CIB2: variants seen among roughly 807,000 people sequenced by gnomAD.
The protein encoded by CIB2 is calcium and integrin binding family member 2, also known as calcium and integrin-binding family member 2.
In CIB2, 19 loss-of-function variants were observed where a neutral mutation model predicts 23.1. The ratio of observed to expected loss-of-function variants is 0.82; its 90% CI spans 0.57 to 1.21. CIB2 has a LOEUF of 1.21. Among genes scored for constraint, CIB2 ranks in the 50% most tolerant of loss-of-function variants. CIB2 has a pLI of 0.00. For synonymous variants in CIB2, 94 were observed against 91.7 expected (o/e 1.03, Z -0.14); for missense variants, 220 against 241.5 (o/e 0.91, Z 0.59).
At chr15:78,116,327 C>G (rs981132613) in intron 2 of CIB2, among the ~76,000 whole-genome samples, 3 of 151,780 alleles carry the variant, frequency 2.0e-5, no homozygotes, top group Non-Finnish European at 4.4e-5. Context: ...ATTAGTCAGG[C>G]ATGGTGGTAT....
intron 2 of CIB2, among the ~76,000 whole-genome samples, chr15:78,122,315 C>T (rs1289543065): frequency 2.0e-5 from 3 of 152,144 alleles, no homozygotes; most frequent in Non-Finnish European, 4.4e-5. Flanking sequence ...GTGCAAAGGC[C>T]GAGGCAAGGG....
At position 78,131,109 on chromosome 15, in the gene CIB2, G is replaced by T; in HGVS notation, c.51+56C>A. ...AGGCCTCGGCCAGCGACCGAGAAAA[G>T]GGAGGGGCGGCGGGGCGGCGGGGCC... is the stretch of plus-strand genomic sequence containing the variant. On this transcript the variant is annotated intron_variant, in intron 1 of 5. Coordinates refer to ENST00000258930, the MANE Select transcript of CIB2 (RefSeq NM_006383.4). The surrounding 1 kb of genome is among the most constrained non-coding windows in gnomAD (Gnocchi z 5.8). 1 of 1,489,734 alleles carries T rather than the reference G, an allele frequency of 6.7e-7. No homozygotes were observed. The highest frequency in any genetic ancestry group is 9.1e-7 in the Non-Finnish European group (1 of 1,103,704). The allele number at this position is 1,489,734 out of a possible 1,614,324, so 92.3% of individuals were successfully genotyped here.
At chr15:78,127,048 A>G (rs2074390635) in intron 1 of CIB2, among the ~76,000 whole-genome samples, 1 of 152,174 alleles carries the variant, frequency 6.6e-6, no homozygotes, top group Non-Finnish European at 1.5e-5. Flanking sequence ...TGTAAAGTGG[A>G]AATAGGCCTC....
chr15:78,119,551 G>A (rs2074289424), intron 2 of CIB2, among the ~76,000 whole-genome samples: 1 of 151,992 alleles, frequency 6.6e-6, no homozygotes, highest in South Asian at 2.1e-4. Context: ...CTAAGGAAAA[G>A]CAATTTTAAG....
intron 1 of CIB2, among the ~76,000 whole-genome samples, chr15:78,127,588 T>G (rs1483439895): frequency 2.0e-5 from 3 of 151,860 alleles, no homozygotes; most frequent in African/African-American, 7.2e-5. Flanking sequence ...TTTCTCCAGG[T>G]TGTCCAAACC....
chr15:78,121,684 C>T (rs1236662537), intron 2 of CIB2, among the ~76,000 whole-genome samples: 2 of 152,172 alleles, frequency 1.3e-5, no homozygotes, highest in African/African-American at 2.4e-5. Context: ...GATGTGTTTG[C>T]CTCCCCTTCT....
At chr15:78,126,544 C>T (rs1045983271) in intron 1 of CIB2, among the ~76,000 whole-genome samples, 1 of 152,192 alleles carries the variant, frequency 6.6e-6, no homozygotes, top group Non-Finnish European at 1.5e-5. Context: ...CTGCCTATGA[C>T]TACAAACAGA....
intron 5 of CIB2, 134 bp from the exon 6 acceptor site, chr15:78,105,466 C>T (rs2074052407): frequency 1.3e-6 from 2 of 1,543,168 alleles, no homozygotes; most frequent in African/African-American, 2.7e-5. Flanking sequence ...ATAGTGGATG[C>T]AGGTAATCAA....
chr15:78,109,015 G>A (rs2074112356), intron 4 of CIB2, among the ~76,000 whole-genome samples: 1 of 152,184 alleles, frequency 6.6e-6, no homozygotes, highest in Non-Finnish European at 1.5e-5. Flanking sequence ...ACCTGGGATG[G>A]GTGAGTCCCT....
At chr15:78,128,609 C>T (rs1450201615) in intron 1 of CIB2, among the ~76,000 whole-genome samples, 2 of 150,780 alleles carry the variant, frequency 1.3e-5, no homozygotes, top group Admixed American at 1.3e-4. Flanking sequence ...ACCTGGGAGG[C>T]GGAGCTGGGA....
rs1939401392 is a variant in CIB2 at position 78,105,081 on chromosome 15, G to A, written c.*230C>T. ...GGGCGGGGTGCGGAGGGCCTGGAGA[G>A]AGGCCATGGGTCCCGGGGCTGGACC... On this transcript the variant is annotated 3_prime_UTR_variant, in exon 6 of 6. Coordinates refer to ENST00000258930, the MANE Select transcript of CIB2 (RefSeq NM_006383.4). 3.5e-6 allele frequency: 2 copies of A among 570,978 alleles called. No individual in the cohort carries two copies. Among genetic ancestry groups the A allele is most frequent in the South Asian group, 4.1e-5 (2 of 48,494 alleles). 35.4% of individuals were successfully genotyped at this position (570,978 alleles called of 1,614,324 possible).
intron 2 of CIB2, among the ~76,000 whole-genome samples, chr15:78,123,255 C>A (rs1036407457): frequency 6.6e-6 from 1 of 152,086 alleles, no homozygotes; most frequent in African/African-American, 2.4e-5. Flanking sequence ...CCTTAGGGAC[C>A]CCTGGTCTAA....
rs750321171 is a variant in CIB2, at chr15:78,105,716, C to T, written c.542+23G>A. 5 of 1,613,582 alleles carry T rather than the reference C, an allele frequency of 3.1e-6. No individual in the cohort carries two copies. The Admixed American group carries it at 8.3e-5, about 27-fold the overall frequency. On this transcript the variant is annotated intron_variant, in intron 5 of 5. Transcript: ENST00000258930. ...CCTGCCCTGCTCTGCCCTGCCCAAG[C>T]CCGGCCCCTGTAGTGGCAGCACCTG...
Position 78,105,113 on chromosome 15 carries a change from G to C in CIB2, c.*198C>G, listed in dbSNP as rs1187349007. On this transcript the variant is annotated 3_prime_UTR_variant, in exon 6 of 6. Coordinates refer to ENST00000258930, the MANE Select transcript of CIB2 (RefSeq NM_006383.4). ...TGGGTCCCGGGGCTGGACCACAGCG[G>C]GGCTGTGGGAAGGGTCCTAACCTTC... 1 of 689,560 alleles carries C rather than the reference G, an allele frequency of 1.5e-6. No homozygotes were observed. The highest frequency in any genetic ancestry group is 2.4e-6 in the Non-Finnish European group (1 of 421,882). 42.7% of individuals were successfully genotyped at this position (689,560 alleles called of 1,614,324 possible).
chr15:78,123,261 TCTAACAGACAGGGA>T (rs1192871559), intron 2 of CIB2, among the ~76,000 whole-genome samples: 1 of 152,030 alleles, frequency 6.6e-6, no homozygotes, highest in Non-Finnish European at 1.5e-5. Flanking sequence ...GGACCCCTGG[TCTAACAGACAGGGA>T]CTCCCTGCTA....
chr15:78,105,502 G>A lies in CIB2; in HGVS notation c.543-170C>T, dbSNP rs568087127. On this transcript the variant is annotated intron_variant, in intron 5 of 5. Coordinates refer to ENST00000258930, the MANE Select transcript of CIB2 (RefSeq NM_006383.4). ...CACTGGGGGAAGACGGAGGAACAGC[G>A]GTGCCCAGGGAGTTCTGCCCCCACT... 2.1e-4 allele frequency: 316 copies of A among 1,498,364 alleles called. 2 individuals are homozygous for A. In the African/African-American group the frequency reaches 3.0e-3, roughly 14 times the overall value. The allele number at this position is 1,498,364 out of a possible 1,614,324, so 92.8% of individuals were successfully genotyped here.
At chr15:78,106,804 C>G (rs2074077693) in intron 4 of CIB2, among the ~76,000 whole-genome samples, 1 of 152,086 alleles carries the variant, frequency 6.6e-6, no homozygotes, top group South Asian at 2.1e-4. Flanking sequence ...CTTCTGTTGC[C>G]CATTGGCAAA....
At chr15:78,107,787 G>C (rs550912478) in intron 4 of CIB2, among the ~76,000 whole-genome samples, 21 of 152,366 alleles carry the variant, frequency 1.4e-4, no homozygotes, top group African/African-American at 5.0e-4. Flanking sequence ...GTGGAGGGCA[G>C]ACTGGCAGGT....
At chr15:78,119,736 C>T (rs192224543) in intron 2 of CIB2, among the ~76,000 whole-genome samples, 2 of 152,066 alleles carry the variant, frequency 1.3e-5, no homozygotes, top group South Asian at 4.2e-4. Context: ...CCATGCCCAG[C>T]TAATTTTTGT....
Sources: allele counts gnomAD v4.1 joint callset (sites outside exome capture counted in the v4.1 genomes callset), GRCh38; gene constraint gnomAD v4.1.1; non-coding constraint Gnocchi (gnomAD v3.1); transcripts MANE v1.5; gene names NCBI Gene and HGNC (gene_info 2026-07-23, HGNC 2026-07-21).